The following FXR1 variants were observed in gnomAD, a reference collection of about 807,000 sequenced individuals.
FXR1 encodes the protein FMR1 autosomal homolog 1, also known as RNA-binding protein FXR1.
FXR1 carries 15 observed loss-of-function variants against 84.0 expected under a neutral mutation model. The ratio of observed to expected loss-of-function variants is 0.18; its 90% confidence interval spans 0.12 to 0.27. FXR1 has a LOEUF of 0.27. Among genes scored for constraint, FXR1 ranks in the 10% least tolerant of loss-of-function variants. FXR1 has a pLI of 1.00. For synonymous variants in FXR1, 245 were observed against 250.7 expected, an observed-to-expected ratio of 0.98 and a Z score of 0.21; for missense variants, 480 against 774.4, an observed-to-expected ratio of 0.62 and a Z score of 4.51.
intron 14 of FXR1, 136 bp downstream of exon 14, chr3:180,968,390 A>G (rs1383646752): frequency 1.4e-5 from 9 of 631,716 alleles, no homozygotes; most frequent in East Asian, 1.4e-4. Context: ...GTAGTGGACC[A>G]TATAGCAGTA....
intron 3 of FXR1, among the ~76,000 whole-genome samples, chr3:180,938,884 A>G (rs906034541): frequency 6.7e-6 from 1 of 148,980 alleles, no homozygotes; most frequent in South Asian, 2.1e-4. Flanking sequence ...TTTCTTAGGC[A>G]ATTTTTTTAT....
intron 1 of FXR1, chr3:180,915,056 CATG>C (rs1410369390): frequency 5.6e-6 from 2 of 355,234 alleles, no homozygotes; most frequent in African/African-American, 2.2e-5. Context: ...CTCTGTCTAA[CATG>C]AGGGGCTTGA....
At chr3:180,940,647 G>C (rs543278529) in intron 3 of FXR1, among the ~76,000 whole-genome samples, 3 of 150,710 alleles carry the variant, frequency 2.0e-5, no homozygotes, top group Middle Eastern at 7.0e-3. Flanking sequence ...CGCCATCTCG[G>C]CTCAGCGCAA....
rs538501965 is a variant in FXR1 at position 180,974,291 on chromosome 3, T to C, written c.1604-1022T>C. 4.6e-5 allele frequency among the ~76,000 whole-genome samples: 7 copies of C among 152,230 alleles called. 1 individual carries two copies. The East Asian group carries it at 1.4e-3, about 30-fold the overall frequency. On this transcript the variant is annotated intron_variant, in intron 15 of 16. Transcript: ENST00000357559. ...CTCTTGCCTCAGCCTCCCAGGTAGC[T>C]GGAATTACAGGCTGTGTCACCACGC...
At chr3:180,970,421 T>TAA (rs1253796233) in intron 15 of FXR1, 63 bp downstream of exon 15, 15 of 268,464 alleles carry the variant, frequency 5.6e-5, no homozygotes, top group African/African-American at 2.9e-4. Flanking sequence ...TATATATATA[T>TAA]AATTGTAAAC....
chr3:180,947,455 G>A (rs1402408734), intron 3 of FXR1, among the ~76,000 whole-genome samples: 1 of 152,132 alleles, frequency 6.6e-6, no homozygotes, highest in East Asian at 1.9e-4. Context: ...AGGTTCTTTA[G>A]CACGGGATCT....
chr3:180,925,198 T>A (rs1349047267), intron 1 of FXR1, among the ~76,000 whole-genome samples: 1 of 151,930 alleles, frequency 6.6e-6, no homozygotes, highest in Non-Finnish European at 1.5e-5. Context: ...CTGTCTCTAC[T>A]ACAAATAAAA....
intron 15 of FXR1, among the ~76,000 whole-genome samples, chr3:180,972,826 C>G (rs553794156): frequency 3.1e-4 from 47 of 152,334 alleles, no homozygotes; most frequent in African/African-American, 1.1e-3. Context: ...CTTGCCCCTT[C>G]TCCCAAAAGA....
At chr3:180,961,655 T>A in intron 11 of FXR1, 101 bp downstream of exon 11, 1 of 579,644 alleles carries the variant, frequency 1.7e-6, no homozygotes, top group Non-Finnish European at 3.1e-6. Context: ...CATTAAACAT[T>A]TTATATTTGA....
chr3:180,917,803 C>G (rs1718077255), intron 1 of FXR1, among the ~76,000 whole-genome samples: 1 of 151,886 alleles, frequency 6.6e-6, no homozygotes, highest in South Asian at 2.1e-4. Flanking sequence ...AAAAATTAGC[C>G]AGGTGTGGTG....
intron 3 of FXR1, among the ~76,000 whole-genome samples, chr3:180,944,720 A>G (rs1267014311): frequency 1.3e-5 from 2 of 152,156 alleles, no homozygotes; most frequent in Non-Finnish European, 2.9e-5. Context: ...TGGGCTCAAG[A>G]GATCCTTCCA....
intron 1 of FXR1, among the ~76,000 whole-genome samples, chr3:180,917,552 C>T (rs1036726934): frequency 6.6e-6 from 1 of 152,074 alleles, no homozygotes; most frequent in Non-Finnish European, 1.5e-5. Context: ...AATAAATGAT[C>T]ACAACAGCTT....
intron 3 of FXR1, among the ~76,000 whole-genome samples, chr3:180,940,054 A>G (rs1262966314): frequency 6.6e-6 from 1 of 152,220 alleles, no homozygotes; most frequent in Non-Finnish European, 1.5e-5. Flanking sequence ...CCCTTAGGAA[A>G]TTTACATGAA....
Position 180,977,685 on chromosome 3 carries a change from T to C in FXR1, c.*1393T>C, listed in dbSNP as rs1384371765. The C allele has an allele frequency of 6.6e-6, 1 of 152,126 alleles. No individual in the cohort carries two copies. 9.4% of individuals were successfully genotyped at this position (152,126 alleles called of 1,614,324 possible). A position where few individuals can be genotyped will look rare whatever the true frequency, so the allele number is the denominator to read the frequency against. ...CATAGGGGAAGGCTTTGTTCCACAA[T>C]ATTATATGGACCACTGAACAAGAAT... On this transcript the variant is annotated 3_prime_UTR_variant, in exon 17 of 17. Transcript: ENST00000357559.
At chr3:180,913,861 C>T (rs950492360) in intron 1 of FXR1, among the ~76,000 whole-genome samples, 4 of 152,276 alleles carry the variant, frequency 2.6e-5, no homozygotes, top group African/African-American at 9.6e-5. Context: ...GAGTATTGTG[C>T]GTATGCAAAG....
intron 9 of FXR1, 26 bp from the exon 10 acceptor site, chr3:180,957,793 A>G (rs199859306): frequency 1.8e-5 from 19 of 1,035,630 alleles, no homozygotes; most frequent in East Asian, 7.4e-5. Context: ...TTAGCTTACC[A>G]TTGTATTTGT....
chr3:180,938,132 ATTACCAGAT>A (rs1161625942), intron 3 of FXR1, among the ~76,000 whole-genome samples: 1 of 152,214 alleles, frequency 6.6e-6, no homozygotes, highest in Non-Finnish European at 1.5e-5. Flanking sequence ...AGACATTGAA[ATTACCAGAT>A]TTTTTGCTGT....
intron 3 of FXR1, among the ~76,000 whole-genome samples, chr3:180,944,805 T>G (rs1445358549): frequency 6.6e-6 from 1 of 152,188 alleles, no homozygotes; most frequent in East Asian, 1.9e-4. Context: ...GTATTTTGCA[T>G]AGTGATGGTG....
chr3:180,961,520 A>C lies in FXR1; in HGVS notation c.1043A>C (p.Gln348Pro). The C allele has an allele frequency of 6.4e-7, 1 of 1,557,394 alleles. No individual in the cohort carries two copies. Residue 348 changes from glutamine to proline, a missense_variant, in exon 11 of 17, where the codon CAG (glutamine) becomes CCG (proline). By Grantham distance (76) the Gln-to-Pro change is moderately conservative. Coordinates refer to ENST00000357559, the MANE Select transcript of FXR1 (RefSeq NM_005087.4). ...ACTAAAGAAAGCATTGGAAATGTGCAGGTTCTTCTAGAGTATCATATTGCC... is the reference window on the plus strand; with the variant it reads ...ACTAAAGAAAGCATTGGAAATGTGCCGGTTCTTCTAGAGTATCATATTGCC... ...VGTKESIGNVQVLLEYHIAYL... is the reference protein window; with the variant it reads ...VGTKESIGNVPVLLEYHIAYL...
Sources: gnomAD v4.1 joint callset for allele counts (sites outside exome capture counted in the v4.1 genomes callset) on GRCh38, gnomAD v4.1.1 for gene constraint, MANE v1.5 for transcripts, NCBI Gene and HGNC (gene_info 2026-07-23, HGNC 2026-07-21) for gene names.